The following ATL1 variants were observed in gnomAD, a reference collection of about 807,000 sequenced individuals.
ATL1 encodes atlastin-1.
A neutral mutation model predicts 75.5 loss-of-function variants in ATL1; 31 were observed. The observed-to-expected ratio is 0.41, with a 90% CI of 0.31 to 0.55. ATL1 has a LOEUF of 0.55. ATL1 is among the 20% of genes least tolerant of loss of function. The probability of loss-of-function intolerance (pLI) is 0.27; values close to 1 mark genes in which losing one functional copy is unlikely to be tolerated. For missense variants in ATL1, 405 were observed against 662.6 expected (o/e 0.61, Z 4.27); for synonymous variants, 226 against 233.3 (o/e 0.97, Z 0.28).
intron 5 of ATL1, among the ~76,000 whole-genome samples, chr14:50,594,514 G>A (rs2039194021): frequency 6.6e-6 from 1 of 152,064 alleles, no homozygotes; most frequent in Non-Finnish European, 1.5e-5. Flanking sequence ...GAGGTGATAA[G>A]GTTCAATCTA....
intron 1 of ATL1, among the ~76,000 whole-genome samples, chr14:50,563,123 A>G (rs2038867933): frequency 6.6e-6 from 1 of 152,218 alleles, no homozygotes; most frequent in Non-Finnish European, 1.5e-5. Context: ...TTATAGAACT[A>G]CAGTTTCAAT....
chr14:50,623,305 C>T (rs1364027604), intron 11 of ATL1, 57 bp downstream of exon 11: 1 of 1,405,226 alleles, frequency 7.1e-7, no homozygotes, highest in Non-Finnish European at 1.0e-6. Context: ...CTTCATGCAA[C>T]TCATTCTCTT....
intron 11 of ATL1, 150 bp from the exon 12 acceptor site, chr14:50,627,881 G>C: frequency 2.8e-6 from 2 of 713,988 alleles, no homozygotes; most frequent in Non-Finnish European, 4.8e-6. Context: ...CGTGGATAGG[G>C]GGTGGAAAGA....
chr14:50,588,214 TG>T (rs2039121331), intron 2 of ATL1, 136 bp downstream of exon 2: 3 of 1,162,930 alleles, frequency 2.6e-6, no homozygotes, highest in Non-Finnish European at 3.7e-6. Context: ...AATGCTGTGG[TG>T]TAACCATTCC....
intron 1 of ATL1, among the ~76,000 whole-genome samples, chr14:50,554,733 T>C (rs556818337): frequency 6.6e-6 from 1 of 152,244 alleles, no homozygotes; most frequent in African/African-American, 2.4e-5. Context: ...AGATGGGAGG[T>C]GGCATGGATC....
chr14:50,551,563 C>T (rs762780116), intron 1 of ATL1, among the ~76,000 whole-genome samples: 6 of 151,798 alleles, frequency 4.0e-5, no homozygotes, highest in Non-Finnish European at 7.4e-5. Flanking sequence ...CCAGGAAAGG[C>T]CATAACAAAA....
chr14:50,612,143 C>A (rs2039372283), intron 6 of ATL1, among the ~76,000 whole-genome samples: 1 of 152,028 alleles, frequency 6.6e-6, no homozygotes, highest in East Asian at 1.9e-4. Context: ...AGAAGCTAGA[C>A]CAAAAGAATA....
At chr14:50,573,291 T>C (rs761046107) in intron 1 of ATL1, among the ~76,000 whole-genome samples, 20 of 152,228 alleles carry the variant, frequency 1.3e-4, no homozygotes, top group Non-Finnish European at 2.2e-4. Context: ...AATTTTGTTA[T>C]AGTCAGAATA....
chr14:50,540,613 C>G (rs2038548894), intron 1 of ATL1, among the ~76,000 whole-genome samples: 2 of 152,274 alleles, frequency 1.3e-5, no homozygotes, highest in Non-Finnish European at 1.5e-5. Context: ...ATAATAATCT[C>G]TGCAGTCTCA....
chr14:50,541,826 G>A (rs1033615889), intron 1 of ATL1, among the ~76,000 whole-genome samples: 8 of 151,558 alleles, frequency 5.3e-5, no homozygotes, highest in African/African-American at 1.9e-4. Context: ...TGAGATCACG[G>A]TGAAACCCCA....
chr14:50,580,251 G>T (rs975922797), intron 1 of ATL1, among the ~76,000 whole-genome samples: 7 of 152,138 alleles, frequency 4.6e-5, no homozygotes, highest in Non-Finnish European at 1.0e-4. Context: ...ACATATTTGT[G>T]CAGGTTTGCG....
intron 1 of ATL1, among the ~76,000 whole-genome samples, chr14:50,577,900 T>A (rs2039021360): frequency 6.6e-6 from 1 of 152,208 alleles, no homozygotes; most frequent in Admixed American, 6.5e-5. Context: ...TGTCCATTTA[T>A]TAGTTGATAG....
At chr14:50,604,285 T>G (rs2039296993) in intron 6 of ATL1, among the ~76,000 whole-genome samples, 1 of 152,094 alleles carries the variant, frequency 6.6e-6, no homozygotes, top group Admixed American at 6.6e-5. Context: ...GGGCTTCTCT[T>G]TGCTATCTTA....
chr14:50,571,175 A>G (rs758311398), intron 1 of ATL1, among the ~76,000 whole-genome samples: 11 of 152,172 alleles, frequency 7.2e-5, no homozygotes, highest in East Asian at 1.9e-4. Context: ...GCTCACCTGT[A>G]TCTGCACCTC....
chr14:50,544,535 A>C (rs2038603841), intron 1 of ATL1, among the ~76,000 whole-genome samples: 1 of 152,210 alleles, frequency 6.6e-6, no homozygotes, highest in South Asian at 2.1e-4. Context: ...AACAGGGTAC[A>C]CAAGACACAG....
chr14:50,567,188 T>G (rs1045931549), intron 1 of ATL1, among the ~76,000 whole-genome samples: 1 of 152,344 alleles, frequency 6.6e-6, no homozygotes, highest in South Asian at 2.1e-4. Context: ...TGACTTTGAC[T>G]ACTCTGTGTA....
intron 1 of ATL1, among the ~76,000 whole-genome samples, chr14:50,586,589 T>C (rs1157803000): frequency 2.6e-5 from 4 of 152,232 alleles, no homozygotes; most frequent in African/African-American, 9.6e-5. Flanking sequence ...CTAGGTCATA[T>C]ATCTGATCTG....
Position 50,560,303 on chromosome 14 carries a change from A to G in ATL1, c.34+4A>G, listed in dbSNP as rs184968459. On this transcript the variant is annotated splice_donor_region_variant and intron_variant, in intron 1 of 13. Transcript: ENST00000358385. ...CGCAGGGACAGAAACAGTTGGGGTG[A>G]GTAGCAAATGAGAACTTCTGCAGCC... The G allele has an allele frequency of 1.1e-5, 18 of 1,613,870 alleles. No homozygotes were observed. In the Admixed American group the frequency reaches 3.0e-4, roughly 27 times the overall value.
At chr14:50,583,762 C>T (rs946403632) in intron 1 of ATL1, among the ~76,000 whole-genome samples, 1 of 152,088 alleles carries the variant, frequency 6.6e-6, no homozygotes, top group African/African-American at 2.4e-5. Flanking sequence ...GAGGTGCTTG[C>T]CATATTATAT....
Sources: allele counts gnomAD v4.1 joint callset (sites outside exome capture counted in the v4.1 genomes callset), GRCh38; gene constraint gnomAD v4.1.1; transcripts MANE v1.5; gene names NCBI Gene and HGNC (gene_info 2026-07-23, HGNC 2026-07-21).